Variants in ZCCHC7 observed in about 807,000 individuals in gnomAD.
The protein encoded by ZCCHC7 is zinc finger CCHC domain-containing protein 7.
In ZCCHC7, 35 loss-of-function variants were observed where a neutral mutation model predicts 52.0. The observed-to-expected ratio is 0.67, with a 90% CI of 0.51 to 0.89. The LOEUF is 0.89. Among genes scored for constraint, ZCCHC7 ranks in the 40% least tolerant of loss-of-function variants. The pLI is 0.00. For synonymous variants in ZCCHC7, 217 were observed against 221.5 expected (o/e 0.98, Z 0.18); for missense variants, 574 against 649.1 (o/e 0.88, Z 1.26).
At chr9:37,224,927 T>C (rs185094968) in intron 2 of ZCCHC7, among the ~76,000 whole-genome samples, 81 of 152,362 alleles carry the variant, frequency 5.3e-4, no homozygotes, top group African/African-American at 1.9e-3. Flanking sequence ...TTTACACCTA[T>C]ACATTTCTCT....
intron 5 of ZCCHC7, among the ~76,000 whole-genome samples, chr9:37,307,643 A>T (rs1409012799): frequency 6.6e-6 from 1 of 152,112 alleles, no homozygotes; most frequent in East Asian, 1.9e-4. Flanking sequence ...TTTTTCTTAC[A>T]GCCCTTTTTA....
intron 2 of ZCCHC7, among the ~76,000 whole-genome samples, chr9:37,225,448 G>A (rs1395304301): frequency 6.6e-6 from 1 of 152,056 alleles, no homozygotes; most frequent in Non-Finnish European, 1.5e-5. Flanking sequence ...AATTTTATAA[G>A]ATTTGTATTA....
intron 5 of ZCCHC7, among the ~76,000 whole-genome samples, chr9:37,306,710 G>C (rs182231346): frequency 1.4e-3 from 184 of 128,870 alleles, no homozygotes; most frequent in Middle Eastern, 6.1e-3. Context: ...TGATCCGCCC[G>C]CCTCGGCCTC....
rs1299549321 is a variant in ZCCHC7, at chr9:37,221,075, G to A, written c.611-81113G>A. Among the ~76,000 whole-genome samples the A allele has an allele frequency of 2.0e-5, 3 of 152,220 alleles. No individual in the cohort carries two copies. The East Asian group carries it at 5.8e-4, about 29-fold the overall frequency. On this transcript the variant is annotated intron_variant, in intron 2 of 8. Transcript: ENST00000336755. Reference sequence around the variant, plus strand: ...ATCAACTTGGGTTGAAGAATGTGGAGCTTACCAGGTTCCACCAGTGTAGCC... The same window carrying A: ...ATCAACTTGGGTTGAAGAATGTGGAACTTACCAGGTTCCACCAGTGTAGCC...
At chr9:37,311,540 G>A (rs566078636) in intron 5 of ZCCHC7, among the ~76,000 whole-genome samples, 28 of 152,098 alleles carry the variant, frequency 1.8e-4, no homozygotes, top group Non-Finnish European at 3.8e-4. Flanking sequence ...CTCCCAAGTA[G>A]CTGGGATTAC....
At chr9:37,266,169 T>G (rs927361807) in intron 2 of ZCCHC7, among the ~76,000 whole-genome samples, 3 of 152,230 alleles carry the variant, frequency 2.0e-5, no homozygotes, top group Admixed American at 2.0e-4. Flanking sequence ...ATTTATATAG[T>G]TCATCCAAAA....
rs959137825 is a variant in ZCCHC7, at chr9:37,265,404, C to T, written c.611-36784C>T. ...GAATTGGAGACACTGTCAGAGATCA[C>T]GAAAGAAAGTTCGTCATTCCTCCCA... On this transcript the variant is annotated intron_variant, in intron 2 of 8. Transcript: ENST00000336755. 4.6e-5 allele frequency among the ~76,000 whole-genome samples: 7 copies of T among 152,260 alleles called. No individual in the cohort carries two copies. The East Asian group carries it at 1.2e-3, about 25-fold the overall frequency.
At chr9:37,161,253 A>C (rs1034740654) in intron 2 of ZCCHC7, among the ~76,000 whole-genome samples, 7 of 152,056 alleles carry the variant, frequency 4.6e-5, no homozygotes, top group Admixed American at 1.3e-4. Flanking sequence ...CTGGCCAAGG[A>C]ATCTATATCT....
At chr9:37,280,121 A>G (rs892122499) in intron 2 of ZCCHC7, among the ~76,000 whole-genome samples, 1 of 152,130 alleles carries the variant, frequency 6.6e-6, no homozygotes, top group Non-Finnish European at 1.5e-5. Context: ...AGCCTGGGCA[A>G]CAGTGCGAGA....
chr9:37,236,688 C>A (rs1825670493), intron 2 of ZCCHC7, among the ~76,000 whole-genome samples: 1 of 152,186 alleles, frequency 6.6e-6, no homozygotes, highest in African/African-American at 2.4e-5. Flanking sequence ...GCCACTGCAC[C>A]CGGCCAGTGC....
intron 2 of ZCCHC7, among the ~76,000 whole-genome samples, chr9:37,136,050 T>TTTTTC (rs960514803): frequency 6.6e-6 from 1 of 152,146 alleles, no homozygotes; most frequent in Non-Finnish European, 1.5e-5. Flanking sequence ...TTTTTGTTTG[T>TTTTTC]TTTTCTTTTC....
intron 6 of ZCCHC7, among the ~76,000 whole-genome samples, chr9:37,332,482 T>C (rs1830487353): frequency 6.6e-6 from 1 of 151,510 alleles, no homozygotes; most frequent in African/African-American, 2.4e-5. Flanking sequence ...ATATGAATAG[T>C]TTTATGTTAT....
chr9:37,136,546 C>T (rs1281946446), intron 2 of ZCCHC7, among the ~76,000 whole-genome samples: 1 of 152,114 alleles, frequency 6.6e-6, no homozygotes, highest in African/African-American at 2.4e-5. Flanking sequence ...TAGCCTTGAC[C>T]TCCCGGGCTG....
intron 6 of ZCCHC7, among the ~76,000 whole-genome samples, chr9:37,348,359 T>G (rs1011039796): frequency 5.3e-4 from 72 of 136,374 alleles, no homozygotes; most frequent in African/African-American, 1.6e-3. Context: ...TCTTTCTTTC[T>G]TTCTTTCTTT....
chr9:37,342,986 T>C (rs944642211), intron 6 of ZCCHC7, among the ~76,000 whole-genome samples: 2 of 152,256 alleles, frequency 1.3e-5, no homozygotes, highest in African/African-American at 4.8e-5. Flanking sequence ...TCTTCCATGC[T>C]TTTTCTTTGA....
Position 37,281,009 on chromosome 9 carries a change from G to A in ZCCHC7, c.611-21179G>A, listed in dbSNP as rs377684779. ...GGACTGGGATAGGCAGGTAAATAGA[G>A]TCATATGGTTACAAGTTTCTTAACA... On this transcript the variant is annotated intron_variant, in intron 2 of 8. Coordinates refer to ENST00000336755, the MANE Select transcript of ZCCHC7 (RefSeq NM_032226.3). Among the ~76,000 whole-genome samples, 7 of 152,248 alleles carry A rather than the reference G, an allele frequency of 4.6e-5. No homozygotes were observed. In the East Asian group the frequency reaches 1.3e-3, roughly 29 times the overall value.
At chr9:37,217,963 T>C (rs1824599114) in intron 2 of ZCCHC7, among the ~76,000 whole-genome samples, 1 of 152,220 alleles carries the variant, frequency 6.6e-6, no homozygotes, top group African/African-American at 2.4e-5. Flanking sequence ...GGATATATAC[T>C]TTGGAAATTC....
chr9:37,315,149 A>G (rs1384711391), intron 5 of ZCCHC7, among the ~76,000 whole-genome samples: 2 of 152,050 alleles, frequency 1.3e-5, no homozygotes, highest in African/African-American at 4.8e-5. Context: ...AGCTCTGCAT[A>G]ATCTACATGT....
chr9:37,337,031 G>C (rs1012140983), intron 6 of ZCCHC7, among the ~76,000 whole-genome samples: 1 of 152,206 alleles, frequency 6.6e-6, no homozygotes, highest in African/African-American at 2.4e-5. Flanking sequence ...ATTCCTGAGA[G>C]GATTATTTAA....
Sources: gnomAD v4.1 joint callset for allele counts (sites outside exome capture counted in the v4.1 genomes callset) on GRCh38, gnomAD v4.1.1 for gene constraint, MANE v1.5 for transcripts, NCBI Gene and HGNC (gene_info 2026-07-23, HGNC 2026-07-21) for gene names.